The following IFT22 variants were observed in gnomAD, a reference collection of about 807,000 sequenced individuals.
IFT22 encodes intraflagellar transport protein 22 homolog.
A neutral mutation model predicts 21.0 loss-of-function variants in IFT22; 13 were observed. That is an observed-to-expected ratio of 0.62 (90% CI 0.40 to 0.98). IFT22 has a LOEUF of 0.98. Among genes scored for constraint, IFT22 ranks in the 50% least tolerant of loss-of-function variants. The pLI is 0.00. For missense variants in IFT22, 227 were observed against 228.9 expected, an observed-to-expected ratio of 0.99 and a Z score of 0.06; for synonymous variants, 67 against 82.4, an observed-to-expected ratio of 0.81 and a Z score of 1.01.
chr7:101,321,559 C>T (rs1303352784), intron 1 of IFT22, 112 bp downstream of exon 1: 9 of 1,179,568 alleles, frequency 7.6e-6, no homozygotes, highest in South Asian at 1.5e-5. Context: ...CGCGGTGGGC[C>T]CGGGTTCCCG....
intron 3 of IFT22, among the ~76,000 whole-genome samples, chr7:101,317,437 ATT>A (rs992545557): frequency 2.2e-5 from 3 of 136,714 alleles, no homozygotes; most frequent in Non-Finnish European, 1.6e-5. Context: ...CCTGGCCCCT[ATT>A]TTTTTTTTTT....
chr7:101,315,026 C>G lies in IFT22; in HGVS notation c.*108G>C, dbSNP rs1387701442. On this transcript the variant is annotated 3_prime_UTR_variant, in exon 5 of 5. Transcript: ENST00000315322. ...CTTCCTGCAGGTAGGAACACTTCCT[C>G]TGCAGTCAGAGGGAGAAGAAAACAT... is the stretch of plus-strand genomic sequence containing the variant. 19 of 1,263,314 alleles carry G rather than the reference C, an allele frequency of 1.5e-5. No individual in the cohort carries two copies. The highest frequency in any genetic ancestry group is 9.0e-5 in the Admixed American group (4 of 44,662). 78.3% of individuals were successfully genotyped at this position (1,263,314 alleles called of 1,614,324 possible).
chr7:101,316,193 G>A (rs866432660), intron 4 of IFT22, 147 bp downstream of exon 4: 8 of 720,866 alleles, frequency 1.1e-5, no homozygotes, highest in African/African-American at 1.8e-5. Flanking sequence ...GAGACGTAGT[G>A]GACTCACATG....
chr7:101,313,474 A>T lies in IFT22; in HGVS notation c.*1660T>A, dbSNP rs1790034725. 1 of 151,952 alleles carries T rather than the reference A, an allele frequency of 6.6e-6. No individual in the cohort carries two copies. The highest frequency in any genetic ancestry group is 2.1e-4 in the South Asian group (1 of 4,816). 9.4% of individuals were successfully genotyped at this position (151,952 alleles called of 1,614,324 possible). A position where few individuals can be genotyped will look rare whatever the true frequency, so the allele number is the denominator to read the frequency against. ...CACCCTTCTGAGTAGCTGGGACTAC[A>T]GGCATGCCCCACCATGCCCAGCTAA... On this transcript the variant is annotated 3_prime_UTR_variant, in exon 5 of 5. Transcript: ENST00000315322.
Position 101,318,938 on chromosome 7 carries a change from A to T in IFT22, c.116+18T>A, listed in dbSNP as rs752947521. On this transcript the variant is annotated intron_variant, in intron 2 of 4. Transcript: ENST00000315322. ...GAGCCAGTTGGACACTCTGGGACAC[A>T]GATTTGTCAGGGCTCACCTCACTCC... 1.3e-6 allele frequency: 2 copies of T among 1,596,656 alleles called. No homozygotes were observed. The highest frequency in any genetic ancestry group is 1.7e-6 in the Non-Finnish European group (2 of 1,164,106).
intron 3 of IFT22, 137 bp from the exon 4 acceptor site, chr7:101,316,679 C>T (rs1452106334): frequency 1.3e-6 from 1 of 758,612 alleles, no homozygotes; most frequent in Admixed American, 2.6e-5. Context: ...AATCCCAGCA[C>T]TTTGGGAGGC....
At position 101,321,430 on chromosome 7, in the gene IFT22, G is replaced by C. The variant is rs939256632; in HGVS notation, c.39+241C>G. 28 of 544,760 alleles carry C rather than the reference G, an allele frequency of 5.1e-5. 1 individual carries two copies. The South Asian group carries it at 6.0e-4, about 12-fold the overall frequency. The allele number at this position is 544,760 out of a possible 1,614,324, so 33.7% of individuals were successfully genotyped here. A position where few individuals can be genotyped will look rare whatever the true frequency, so the allele number is the denominator to read the frequency against. ...TTCCAATGATGCCACTCAGTACCTTGGGCCTTCGGGGCTCATTAACACCGG... is the reference window on the plus strand; with the variant it reads ...TTCCAATGATGCCACTCAGTACCTTCGGCCTTCGGGGCTCATTAACACCGG... On this transcript the variant is annotated intron_variant, in intron 1 of 4. Transcript: ENST00000315322.
intron 4 of IFT22, 122 bp from the exon 5 acceptor site, chr7:101,315,404 G>T: frequency 9.5e-7 from 1 of 1,056,798 alleles, no homozygotes; most frequent in Non-Finnish European, 1.4e-6. Flanking sequence ...TTGTCTTCTT[G>T]ACACCAGAGA....
At chr7:101,316,294 C>T in intron 4 of IFT22, 46 bp downstream of exon 4, 2 of 1,588,264 alleles carry the variant, frequency 1.3e-6, no homozygotes, top group Non-Finnish European at 1.7e-6. Context: ...TGTAGGTGTC[C>T]AAAACATTCA....
chr7:101,320,199 C>T (rs987406039), intron 1 of IFT22, among the ~76,000 whole-genome samples: 1 of 151,678 alleles, frequency 6.6e-6, no homozygotes, highest in African/African-American at 2.4e-5. Context: ...TCAGGTGATC[C>T]ACCTGCATTG....
In IFT22 at chr7:101,312,721, G is replaced by A. The variant is rs1486564719; in HGVS notation, c.*2413C>T. 3.1e-5 allele frequency among the ~76,000 whole-genome samples: 3 copies of A among 96,302 alleles called. No individual in the cohort carries two copies. The highest frequency in any genetic ancestry group is 1.3e-4 in the African/African-American group (3 of 22,352). The allele number at this position is 96,302 out of a possible 152,430, so 63.2% of individuals were successfully genotyped here. On this transcript the variant is annotated 3_prime_UTR_variant, in exon 5 of 5. Transcript: ENST00000315322. ...CAGCTAATTTTTTGTGTTTTTAGTA[G>A]AGTCGGGGTTTCACCATGTTGGACA...
chr7:101,314,305 C>G lies in IFT22; in HGVS notation c.*829G>C. On this transcript the variant is annotated 3_prime_UTR_variant, in exon 5 of 5. Transcript: ENST00000315322. ...CCAAGTAGCTGGGATTACAGGCACG[C>G]GGCACCACACCCAGCTGATTTTTCT... is the stretch of plus-strand genomic sequence containing the variant. 1 of 151,986 alleles carries G rather than the reference C, an allele frequency of 6.6e-6. No individual in the cohort carries two copies. Among genetic ancestry groups the G allele is most frequent in the Non-Finnish European group, 1.5e-5 (1 of 68,038 alleles). 9.4% of individuals were successfully genotyped at this position (151,986 alleles called of 1,614,324 possible). A position where few individuals can be genotyped will look rare whatever the true frequency, so the allele number is the denominator to read the frequency against.
intron 4 of IFT22, 88 bp downstream of exon 4, chr7:101,316,252 A>C: frequency 8.0e-7 from 1 of 1,247,796 alleles, no homozygotes; most frequent in Non-Finnish European, 1.2e-6. Context: ...GTAACTGGAC[A>C]GAGCTGCTGG....
rs540842299 is a variant in IFT22, at chr7:101,314,826, G to A, written c.*308C>T. On this transcript the variant is annotated 3_prime_UTR_variant, in exon 5 of 5. Transcript: ENST00000315322. ...TACTGTTGTATCATTGGGCTGCGAC[G>A]GTTACAAGTCCACAAACTGTTTAAC... 2.0e-5 allele frequency: 6 copies of A among 296,640 alleles called. No homozygotes were observed. In the East Asian group the frequency reaches 2.3e-4, roughly 11 times the overall value. 18.4% of individuals were successfully genotyped at this position (296,640 alleles called of 1,614,324 possible).
intron 4 of IFT22, 48 bp from the exon 5 acceptor site, chr7:101,315,330 G>T: frequency 6.3e-7 from 1 of 1,583,894 alleles, no homozygotes; most frequent in Non-Finnish European, 8.7e-7. Context: ...TCCATGAAGG[G>T]CCCTTTATAG....
In IFT22 at chr7:101,314,660, A is replaced by T. The variant is rs6978233; in HGVS notation, c.*474T>A. On this transcript the variant is annotated 3_prime_UTR_variant, in exon 5 of 5. Coordinates refer to ENST00000315322, the MANE Select transcript of IFT22 (RefSeq NM_022777.4). ...AAATGGAGAGTTCCACGAAGGTGGGAATTTCTGTCTTTTTCATTTATGCTG... is the reference window on the plus strand; with the variant it reads ...AAATGGAGAGTTCCACGAAGGTGGGTATTTCTGTCTTTTTCATTTATGCTG... 0.025 allele frequency: 3,865 copies of T among 152,742 alleles called. 160 individuals carry two copies. The highest frequency in any genetic ancestry group is 0.087 in the African/African-American group (3,622 of 41,536). The allele number at this position is 152,742 out of a possible 1,614,324, so 9.5% of individuals were successfully genotyped here. A position where few individuals can be genotyped will look rare whatever the true frequency, so the allele number is the denominator to read the frequency against.
rs1789973551 is a variant in IFT22 at position 101,311,214 on chromosome 7, A to G, written c.*3920T>C. 6.6e-6 allele frequency among the ~76,000 whole-genome samples: 1 copy of G among 151,880 alleles called. No individual in the cohort carries two copies. The highest frequency in any genetic ancestry group is 2.1e-4 in the South Asian group (1 of 4,814). ...TTCACTGTTAGCCAGGATGGTCTCG[A>G]TCTCTTAACCTCGTAATCCACCCGC... On this transcript the variant is annotated 3_prime_UTR_variant, in exon 5 of 5. Transcript: ENST00000315322.
chr7:101,316,198 C>T, intron 4 of IFT22, 142 bp downstream of exon 4: 2 of 765,072 alleles, frequency 2.6e-6, no homozygotes, highest in Admixed American at 2.2e-5. Flanking sequence ...GTAGTGGACT[C>T]ACATGGAGAG....
chr7:101,318,906 C>T, intron 2 of IFT22, 50 bp downstream of exon 2: 1 of 1,457,824 alleles, frequency 6.9e-7, no homozygotes, highest in Non-Finnish European at 9.6e-7. Context: ...GAATGAGCCT[C>T]CCTGCCGAGC....
Sources: allele counts gnomAD v4.1 joint callset (sites outside exome capture counted in the v4.1 genomes callset), GRCh38; gene constraint gnomAD v4.1.1; transcripts MANE v1.5; gene names NCBI Gene and HGNC (gene_info 2026-07-23, HGNC 2026-07-21).